CD109: variants seen among roughly 807,000 people sequenced by gnomAD.
CD109 encodes the protein CD109 molecule.
Under a neutral mutation model 165.8 loss-of-function variants are expected in CD109, and 149 were observed. The observed-to-expected ratio is 0.90, with a 90% CI of 0.79 to 1.03. The LOEUF (loss-of-function observed/expected upper bound fraction) is 1.03, where lower values mean the gene tolerates loss of function less well. CD109 is among the 50% of genes least tolerant of loss of function. The pLI, the probability that CD109 is intolerant of heterozygous loss-of-function variation, is 0.00. For missense variants in CD109, 1,712 were observed against 1,677.8 expected (o/e 1.02, Z -0.36); for synonymous variants, 585 against 592.1 (o/e 0.99, Z 0.18).
intron 2 of CD109, among the ~76,000 whole-genome samples, chr6:73,721,665 A>C (rs1235332932): frequency 6.6e-6 from 1 of 151,548 alleles, no homozygotes; most frequent in African/African-American, 2.4e-5. Context: ...ACGCCCGGCC[A>C]GTAATTTTTA....
intron 6 of CD109, among the ~76,000 whole-genome samples, chr6:73,757,843 A>G (rs1773452658): frequency 6.6e-6 from 1 of 152,232 alleles, no homozygotes; most frequent in Admixed American, 6.5e-5. Context: ...AATTACACAT[A>G]TGGCTCCCAT....
chr6:73,795,715 G>C (rs894377192), intron 23 of CD109, among the ~76,000 whole-genome samples: 2 of 152,162 alleles, frequency 1.3e-5, no homozygotes, highest in African/African-American at 4.8e-5. Flanking sequence ...AGTAGATCAG[G>C]GGCATAGCAC....
chr6:73,719,025 T>A (rs999594483), intron 2 of CD109, among the ~76,000 whole-genome samples: 5 of 152,320 alleles, frequency 3.3e-5, no homozygotes, highest in African/African-American at 1.2e-4. Flanking sequence ...TTAATTGTAA[T>A]AATATATTTT....
At chr6:73,744,780 ACC>A (rs1772915893) in intron 5 of CD109, among the ~76,000 whole-genome samples, 2 of 152,156 alleles carry the variant, frequency 1.3e-5, no homozygotes, top group Non-Finnish European at 2.9e-5. Context: ...TGTCTTCTGT[ACC>A]CCTCTCTGAA....
In CD109 at chr6:73,707,060, G is replaced by A. The variant is rs149832225; in HGVS notation, c.247+9488G>A. Among the ~76,000 whole-genome samples, 518 of 152,296 alleles carry A rather than the reference G, an allele frequency of 3.4e-3. 4 individuals carry two copies. Among genetic ancestry groups the A allele is most frequent in the African/African-American group, 0.012 (503 of 41,548 alleles). ...TGAGGTTCCTGTGCCTGTGCTCTTC[G>A]CAGGGAAGCAGAGTAGGCTTCATTT... On this transcript the variant is annotated intron_variant, in intron 2 of 32. Transcript: ENST00000287097.
chr6:73,734,938 G>A (rs1460975717), intron 4 of CD109, among the ~76,000 whole-genome samples: 1 of 152,130 alleles, frequency 6.6e-6, no homozygotes, highest in Non-Finnish European at 1.5e-5. Context: ...GTATTCAAGA[G>A]AGATAAACTC....
At chr6:73,792,495 G>C in intron 22 of CD109, 131 bp from the exon 23 acceptor site, 1 of 804,348 alleles carries the variant, frequency 1.2e-6, no homozygotes. Context: ...TTCCAACTCT[G>C]TTCCAAGCAG....
rs768426202 is a variant in CD109 at position 73,787,427 on chromosome 6, C to T, written c.2531C>T (p.Ala844Val). 1 of 1,612,592 alleles carries T rather than the reference C, an allele frequency of 6.2e-7. No individual in the cohort carries two copies. The highest frequency in any genetic ancestry group is 1.1e-5 in the South Asian group (1 of 90,982). ...VTALSPTASD[A>V]VTQMILVKAE... ...GCTCTTTCACCCACTGCTTCTGATG[C>T]TGTCACCCAGATGATTTTAGTAAAG... Residue 844 changes from alanine to valine, a missense_variant, in exon 21 of 33, where the codon GCT becomes GTT. Physicochemically the swap from Ala to Val is moderately conservative, Grantham distance 64 (BLOSUM62 0). Transcript: ENST00000287097.
At chr6:73,790,377 T>C (rs1420403202) in intron 22 of CD109, among the ~76,000 whole-genome samples, 5 of 152,226 alleles carry the variant, frequency 3.3e-5, no homozygotes, top group African/African-American at 1.2e-4. Context: ...ATTACAGGCA[T>C]GAGCCATTGC....
rs1466393248 is a variant in CD109 at position 73,823,660 on chromosome 6, A to T, written c.*27A>T. The stretch of plus-strand genomic sequence containing the variant: ...TTATTTTTAAAGGACTCTGTGTAAC[A>T]CTAACATTTCCAGTAGTCACATGTG... On this transcript the variant is annotated 3_prime_UTR_variant, in exon 33 of 33. Coordinates refer to ENST00000287097, the MANE Select transcript of CD109 (RefSeq NM_133493.5). 7.6e-6 allele frequency: 12 copies of T among 1,569,000 alleles called. No individual in the cohort carries two copies. Among genetic ancestry groups the T allele is most frequent in the Non-Finnish European group, 9.6e-6 (11 of 1,148,136 alleles).
At chr6:73,793,912 CA>C (rs201708618) in intron 23 of CD109, among the ~76,000 whole-genome samples, 3,708 of 152,230 alleles carry the variant, frequency 0.024, 67 homozygotes, top group Non-Finnish European at 0.035. Context: ...CAACGCTTTC[CA>C]ACTCCTAATT....
intron 22 of CD109, among the ~76,000 whole-genome samples, chr6:73,790,540 A>G (rs530881109): frequency 6.6e-6 from 1 of 152,328 alleles, no homozygotes; most frequent in East Asian, 1.9e-4. Context: ...ATGGAGGCTG[A>G]GAAGTCCCAT....
chr6:73,743,674 T>A (rs1449869711), intron 5 of CD109, among the ~76,000 whole-genome samples: 1 of 151,630 alleles, frequency 6.6e-6, no homozygotes, highest in Non-Finnish European at 1.5e-5. Context: ...TTCTTGTCCC[T>A]AAAGCACTCT....
intron 5 of CD109, among the ~76,000 whole-genome samples, chr6:73,754,368 G>A (rs914629728): frequency 6.6e-6 from 1 of 152,160 alleles, no homozygotes; most frequent in African/African-American, 2.4e-5. Flanking sequence ...AGGGGTCAGA[G>A]AGATAATTAG....
chr6:73,717,931 T>C (rs1015740233), intron 2 of CD109, among the ~76,000 whole-genome samples: 2 of 151,474 alleles, frequency 1.3e-5, no homozygotes, highest in African/African-American at 4.8e-5. Flanking sequence ...TACTGATTCT[T>C]GTATGTTGAT....
intron 2 of CD109, among the ~76,000 whole-genome samples, chr6:73,709,113 C>G (rs867388259): frequency 1.3e-5 from 2 of 152,150 alleles, no homozygotes; most frequent in East Asian, 1.9e-4. Flanking sequence ...AGGTTTTCTT[C>G]TAGGGTTTTT....
chr6:73,686,014 A>G, the CD109 span, among the ~76,000 whole-genome samples: 1 of 152,226 alleles, frequency 6.6e-6, no homozygotes, highest in Non-Finnish European at 1.5e-5. Flanking sequence ...TTAAAGGATA[A>G]GCTTTCAGCT....
chr6:73,736,194 G>T (rs1161145612), intron 4 of CD109, among the ~76,000 whole-genome samples, 189 bp from the exon 5 acceptor site: 1 of 151,678 alleles, frequency 6.6e-6, no homozygotes, highest in Non-Finnish European at 1.5e-5. Flanking sequence ...ACTTTGTTAG[G>T]TTAATATATC....
intron 12 of CD109, 37 bp from the exon 13 acceptor site, chr6:73,766,911 T>C (rs781035839): frequency 1.9e-6 from 3 of 1,610,480 alleles, no homozygotes; most frequent in Non-Finnish European, 2.5e-6. Flanking sequence ...ACTATCTTGC[T>C]TTTGATATGT....
Sources: allele counts gnomAD v4.1 joint callset (sites outside exome capture counted in the v4.1 genomes callset), GRCh38; gene constraint gnomAD v4.1.1; transcripts MANE v1.5; gene names NCBI Gene and HGNC (gene_info 2026-07-23, HGNC 2026-07-21).